Variants in F5 observed in about 807,000 individuals in gnomAD.
F5 encodes activated protein c cofactor.
Under a neutral mutation model 216.4 loss-of-function variants are expected in F5, and 138 were observed. The observed-to-expected ratio is 0.64, with a 90% confidence interval of 0.56 to 0.73. The LOEUF is 0.73. F5 is among the 30% of genes least tolerant of loss of function. The pLI is 0.00. For synonymous variants in F5, 916 were observed against 930.7 expected, an observed-to-expected ratio of 0.98 and a Z score of 0.29; for missense variants, 2,403 against 2,674.0, an observed-to-expected ratio of 0.90 and a Z score of 2.24.
intron 2 of F5, among the ~76,000 whole-genome samples, chr1:169,578,416 C>T (rs1660911499): frequency 6.6e-6 from 1 of 152,200 alleles, no homozygotes; most frequent in Non-Finnish European, 1.5e-5. Context: ...GAACCCTTTT[C>T]TTCAAAAGCT....
chr1:169,565,024 G>A (rs1005435441), intron 3 of F5, among the ~76,000 whole-genome samples: 2 of 151,784 alleles, frequency 1.3e-5, no homozygotes, highest in African/African-American at 4.8e-5. Flanking sequence ...GTTTACTATG[G>A]GCTCCTTGTC....
Position 169,586,128 on chromosome 1 carries a change from T to TA in F5, c.158+100_158+101insT. 1.3e-5 allele frequency: 18 copies of TA among 1,337,016 alleles called. No homozygotes were observed. The African/African-American group carries it at 2.0e-4, about 15-fold the overall frequency. 82.8% of individuals were successfully genotyped at this position (1,337,016 alleles called of 1,614,324 possible). A position where few individuals can be genotyped will look rare whatever the true frequency, so the allele number is the denominator to read the frequency against. On this transcript the variant is annotated intron_variant, in intron 1 of 24. Transcript: ENST00000367797. ...ATTAGTTATATTTACTTACCTGAAG[T>TA]TAAAAAAAAAAAAAGCCATGACATT...
chr1:169,531,979 C>A (rs900528000), intron 14 of F5, among the ~76,000 whole-genome samples: 1 of 152,090 alleles, frequency 6.6e-6, no homozygotes, highest in African/African-American at 2.4e-5. Flanking sequence ...AATCCAGCAG[C>A]AAATTAAAAA....
At chr1:169,572,424 G>C (rs1660747459) in intron 2 of F5, 81 bp from the exon 3 acceptor site, 1 of 1,522,466 alleles carries the variant, frequency 6.6e-7, no homozygotes, top group Non-Finnish European at 9.0e-7. Context: ...ACAAACAGAT[G>C]ATACCAAGAG....
chr1:169,514,509 GT>G, intron 24 of F5, 50 bp from the exon 25 acceptor site: 1 of 1,557,910 alleles, frequency 6.4e-7, no homozygotes, highest in Non-Finnish European at 8.8e-7. Flanking sequence ...AATGGCTAAG[GT>G]TTTTTGTTTT....
intron 2 of F5, among the ~76,000 whole-genome samples, chr1:169,574,090 T>C (rs546003465): frequency 6.6e-6 from 1 of 152,162 alleles, no homozygotes; most frequent in African/African-American, 2.4e-5. Flanking sequence ...TTAAAGATGA[T>C]TTAAAGTATA....
Position 169,514,108 on chromosome 1 carries a change from T to G in F5, c.*205A>C. ...ATTTTCCTACCTGTATTCAAATTAA[T>G]GCAGAAGTAATAGCCATTATCTTAC... On this transcript the variant is annotated 3_prime_UTR_variant, in exon 25 of 25. Transcript: ENST00000367797. 3.5e-6 allele frequency: 2 copies of G among 566,404 alleles called. No individual in the cohort carries two copies. The highest frequency in any genetic ancestry group is 4.5e-5 in the South Asian group (2 of 44,382). 35.1% of individuals were successfully genotyped at this position (566,404 alleles called of 1,614,324 possible).
At chr1:169,534,628 T>G (rs1659664760) in intron 14 of F5, among the ~76,000 whole-genome samples, 3 of 149,254 alleles carry the variant, frequency 2.0e-5, no homozygotes, top group African/African-American at 5.0e-5. Flanking sequence ...AGATCATACC[T>G]CTGTACTCCA....
rs148238652 is a variant in F5 at position 169,541,615 on chromosome 1, A to G, written c.3475T>C (p.Tyr1159His). Residue 1159 changes from tyrosine to histidine, a missense_variant, in exon 13 of 25, where the codon TAT becomes CAT. Tyr to His is a moderately conservative substitution (Grantham distance 83). Around this residue, in one of 4 missense-constraint regions of F5, gnomAD observed 1,425 missense variants for 1,554.8 expected, o/e 0.92. Transcript: ENST00000367797. ...GGGAAGGACTTGTGACTTCGGTCAT[A>G]CTCAAGCATTTCACTGAGCTCTGGA... ...SSPELSEMLEYDRSHKSFPTD... is the reference protein window; with the variant it reads ...SSPELSEMLEHDRSHKSFPTD... 4 of 1,614,000 alleles carry G rather than the reference A, an allele frequency of 2.5e-6. No homozygotes were observed. The African/African-American group carries it at 5.3e-5, about 22-fold the overall frequency.
chr1:169,579,997 C>T (rs1294490145), intron 2 of F5, among the ~76,000 whole-genome samples: 2 of 152,126 alleles, frequency 1.3e-5, no homozygotes, highest in African/African-American at 2.4e-5. Context: ...AGTTTGTGGT[C>T]CAACTGTGCT....
At chr1:169,557,806 G>C (rs1311572663) in intron 5 of F5, among the ~76,000 whole-genome samples, 2 of 151,956 alleles carry the variant, frequency 1.3e-5, no homozygotes, top group Admixed American at 1.3e-4. Flanking sequence ...GGAGGCTTTG[G>C]TGGAAGCGTT....
chr1:169,572,049 A>G (rs929797744), intron 3 of F5, among the ~76,000 whole-genome samples, 172 bp downstream of exon 3: 1 of 152,178 alleles, frequency 6.6e-6, no homozygotes. Flanking sequence ...GAGGACTCCA[A>G]AACCTTTTCC....
chr1:169,581,684 C>T (rs1238834595), intron 2 of F5, among the ~76,000 whole-genome samples: 1 of 152,042 alleles, frequency 6.6e-6, no homozygotes, highest in Non-Finnish European at 1.5e-5. Flanking sequence ...GGAAGTTCTC[C>T]CTTGATGGTC....
At chr1:169,581,525 T>G (rs57207056) in intron 2 of F5, among the ~76,000 whole-genome samples, 6,951 of 151,942 alleles carry the variant, frequency 0.046, 525 homozygotes, top group African/African-American at 0.16. Context: ...GATTTTTAAC[T>G]GAAAGGAAGA....
intron 21 of F5, among the ~76,000 whole-genome samples, chr1:169,521,634 T>TGG (rs1557905944): frequency 1.5e-4 from 21 of 142,854 alleles, no homozygotes; most frequent in Non-Finnish European, 2.3e-4. Flanking sequence ...TTTTTTTTTT[T>TGG]TTTTTGAGAC....
At chr1:169,531,055 A>G (rs199711831) in intron 14 of F5, 33 bp from the exon 15 acceptor site, 88 of 1,537,614 alleles carry the variant, frequency 5.7e-5, no homozygotes, top group Non-Finnish European at 7.4e-5. Flanking sequence ...AATGTACTTA[A>G]GCTTAACAAA....
intron 12 of F5, among the ~76,000 whole-genome samples, chr1:169,543,915 G>A (rs1043418452): frequency 2.6e-5 from 4 of 152,202 alleles, no homozygotes; most frequent in Admixed American, 2.6e-4. Flanking sequence ...TGTTGCTGAA[G>A]CAGCCTTTAA....
In F5 at chr1:169,544,280, C is replaced by G; in HGVS notation, c.1975+16G>C. The G allele has an allele frequency of 6.2e-7, 1 of 1,609,576 alleles. No homozygotes were observed. The highest frequency in any genetic ancestry group is 2.2e-5 in the East Asian group (1 of 44,852). ...CAAAGCAAGCTTCCTCTGTGAGTGT[C>G]CAGACTCTTACTCACCAACATTATC... is the stretch of plus-strand genomic sequence containing the variant. On this transcript the variant is annotated intron_variant, in intron 12 of 24. Transcript: ENST00000367797.
intron 14 of F5, among the ~76,000 whole-genome samples, chr1:169,532,874 C>A (rs1429659839): frequency 6.6e-6 from 1 of 152,132 alleles, no homozygotes; most frequent in East Asian, 1.9e-4. Context: ...TTAGACAAAG[C>A]TATTCTAAAA....
Sources: gnomAD v4.1 joint callset for allele counts (sites outside exome capture counted in the v4.1 genomes callset) on GRCh38, gnomAD v4.1.1 for gene constraint, gnomAD v4.1.1 regional missense constraint, MANE v1.5 for transcripts, NCBI Gene and HGNC (gene_info 2026-07-23, HGNC 2026-07-21) for gene names.